Variants in CACNA1S observed in about 807,000 individuals in gnomAD.
CACNA1S encodes the protein voltage-dependent L-type calcium channel subunit alpha-1S.
Under a neutral mutation model 207.4 loss-of-function variants are expected in CACNA1S, and 126 were observed. The observed-to-expected ratio is 0.61, with a 90% CI of 0.53 to 0.70. The LOEUF is 0.70. CACNA1S is among the 30% of genes least tolerant of loss of function. CACNA1S has a pLI of 0.00. For synonymous variants in CACNA1S, 960 were observed against 932.7 expected (o/e 1.03, Z -0.53); for missense variants, 2,349 against 2,422.8 (o/e 0.97, Z 0.64).
chr1:201,063,088 G>T (rs529697945), intron 22 of CACNA1S, among the ~76,000 whole-genome samples: 178 of 151,700 alleles, frequency 1.2e-3, no homozygotes, highest in African/African-American at 4.1e-3. Flanking sequence ...AGGTAGGGGG[G>T]CTCTGTGCTC....
Position 201,039,571 on chromosome 1 carries a change from A to AT in CACNA1S, c.*259_*260insA. Reference sequence around the variant, plus strand: ...CTGCAGGTGGGAGTGGCCCTAGGCCAGACAGGCACTGACCAGGCCTTTTTG... The same window carrying AT: ...CTGCAGGTGGGAGTGGCCCTAGGCCATGACAGGCACTGACCAGGCCTTTTTG... On this transcript the variant is annotated 3_prime_UTR_variant, in exon 44 of 44. Transcript: ENST00000362061. 1 of 570,986 alleles carries AT rather than the reference A, an allele frequency of 1.8e-6. No homozygotes were observed. The highest frequency in any genetic ancestry group is 2.0e-5 in the South Asian group (1 of 49,576). 35.4% of individuals were successfully genotyped at this position (570,986 alleles called of 1,614,324 possible). A position where few individuals can be genotyped will look rare whatever the true frequency, so the allele number is the denominator to read the frequency against.
In CACNA1S at chr1:201,112,200, A is replaced by G. The variant is rs372497364; in HGVS notation, c.140T>C (p.Ile47Thr). The change falls in exon 1 of 44, where the codon ATT becomes ACT. Residue 47 changes from isoleucine (I) to threonine (T), a missense_variant. Physicochemically the swap from Ile to Thr is moderately conservative, Grantham distance 89. Coordinates refer to ENST00000362061, the MANE Select transcript of CACNA1S (RefSeq NM_000069.3). ...CCCTGAAGGATACTTCCATTCTACA[A>G]TGCTGATGCAGGCCTTCCTCAGGGG... The part of the protein sequence containing the change: ...ENPLRKACIS[I>T]VEWKPFETII... The G allele has an allele frequency of 3.1e-6, 5 of 1,613,060 alleles. No individual in the cohort carries two copies. In the African/African-American group the frequency reaches 4.0e-5, roughly 13 times the overall value.
chr1:201,105,983 G>A (rs1662866483), intron 2 of CACNA1S, among the ~76,000 whole-genome samples: 1 of 151,326 alleles, frequency 6.6e-6, no homozygotes, highest in Non-Finnish European at 1.5e-5. Context: ...GTCATAAAAT[G>A]CTTGGACCTG....
At chr1:201,062,353 C>A (rs1391985051) in intron 23 of CACNA1S, 109 bp downstream of exon 23, 4 of 1,168,896 alleles carry the variant, frequency 3.4e-6, no homozygotes, top group African/African-American at 1.5e-5. Context: ...CGTCCTGCCA[C>A]ACTCCCTGCC....
chr1:201,074,428 G>A (rs909686081), intron 14 of CACNA1S, 78 bp downstream of exon 14: 46 of 864,914 alleles, frequency 5.3e-5, no homozygotes, highest in Non-Finnish European at 8.3e-5. Context: ...TTGGGTTACA[G>A]GGAGGCCCTG....
At position 201,039,831 on chromosome 1, in the gene CACNA1S, T is replaced by C. The variant is rs1298607835; in HGVS notation, c.5622A>G (p.Ter1874TrpextTer13). Residue 1874 changes from the stop codon to tryptophan (W), a stop_lost, in exon 44 of 44, where the codon TGA becomes TGG. Coordinates refer to ENST00000362061, the MANE Select transcript of CACNA1S (RefSeq NM_000069.3). Reference protein sequence around the residue: ...SQETLIPPRL* With the variant: ...SQETLIPPRLW ...AGCCCATGCTGATGCTGTGTGGGCA[T>C]CACAGCCTTGGAGGAATAAGGGTCT... The C allele has an allele frequency of 6.2e-7, 1 of 1,603,464 alleles. No homozygotes were observed. Among genetic ancestry groups the C allele is most frequent in the Non-Finnish European group, 8.5e-7 (1 of 1,179,998 alleles).
intron 15 of CACNA1S, among the ~76,000 whole-genome samples, chr1:201,073,344 G>A (rs978179856): frequency 2.8e-5 from 2 of 72,302 alleles, no homozygotes; most frequent in African/African-American, 6.6e-5. Flanking sequence ...CCCAGATTGG[G>A]AGGTCTGCTG....
intron 2 of CACNA1S, among the ~76,000 whole-genome samples, chr1:201,105,889 T>A (rs781454996): frequency 6.6e-6 from 1 of 152,150 alleles, no homozygotes; most frequent in African/African-American, 2.4e-5. Context: ...ACACGGCAAC[T>A]GAGGGAAGCC....
rs762971514 is a variant in CACNA1S, at chr1:201,043,512, C to G, written c.4817G>C (p.Gly1606Ala). ...GIFRRTGGLF[G>A]QVDNFLERTN... ...CCTTTCCAGGAAGTTGTCCACCTGG[C>G]CAAACAGGCCTCCAGTCCTCTAGGG... is the stretch of plus-strand genomic sequence containing the variant. Residue 1606 changes from glycine (G) to alanine (A), a missense_variant, in exon 40 of 44, where the codon GGC (glycine) becomes GCC (alanine). Physicochemically the swap from Gly to Ala is moderately conservative, Grantham distance 60. Coordinates refer to ENST00000362061, the MANE Select transcript of CACNA1S (RefSeq NM_000069.3). 1 of 1,613,894 alleles carries G rather than the reference C, an allele frequency of 6.2e-7. No homozygotes were observed. The highest frequency in any genetic ancestry group is 1.3e-5 in the African/African-American group (1 of 74,938).
At chr1:201,110,750 A>G (rs1038901976) in intron 1 of CACNA1S, among the ~76,000 whole-genome samples, 1 of 152,244 alleles carries the variant, frequency 6.6e-6, no homozygotes, top group South Asian at 2.1e-4. Flanking sequence ...AGATGGAGAG[A>G]TGAATGCTGA....
intron 34 of CACNA1S, 31 bp downstream of exon 34, chr1:201,050,358 G>C: frequency 6.2e-7 from 1 of 1,613,090 alleles, no homozygotes; most frequent in South Asian, 1.1e-5. Context: ...AGGATGGAGG[G>C]CCCAGCACAG....
At chr1:201,070,469 G>A (rs963053683) in intron 16 of CACNA1S, 65 bp from the exon 17 acceptor site, 2 of 1,603,620 alleles carry the variant, frequency 1.2e-6, no homozygotes, top group Non-Finnish European at 1.7e-6. Context: ...TGGCTTCTGT[G>A]CTCAGAGCCC....
intron 31 of CACNA1S, 79 bp from the exon 32 acceptor site, chr1:201,052,727 C>T: frequency 8.4e-7 from 1 of 1,194,832 alleles, no homozygotes; most frequent in Non-Finnish European, 1.3e-6. Flanking sequence ...CCTTCTCCTG[C>T]CTGACCCCTA....
At chr1:201,089,978 C>G (rs1322477227) in intron 5 of CACNA1S, among the ~76,000 whole-genome samples, 1 of 152,226 alleles carries the variant, frequency 6.6e-6, no homozygotes, top group Non-Finnish European at 1.5e-5. Flanking sequence ...CCTGCACTCT[C>G]CTTTGTTCCC....
chr1:201,109,243 CAAAAA>C (rs56739161), intron 2 of CACNA1S, among the ~76,000 whole-genome samples: 3 of 118,544 alleles, frequency 2.5e-5, no homozygotes, highest in Non-Finnish European at 3.7e-5. Flanking sequence ...GACTCTGTCT[CAAAAA>C]AAAAAAAAAA....
intron 7 of CACNA1S, among the ~76,000 whole-genome samples, chr1:201,086,199 A>C (rs1009230051): frequency 3.5e-4 from 53 of 152,210 alleles, no homozygotes; most frequent in African/African-American, 1.3e-3. Context: ...GGGTTGGCCC[A>C]CAGGGCAGGT....
intron 10 of CACNA1S, among the ~76,000 whole-genome samples, chr1:201,081,650 A>T (rs763896943): frequency 6.6e-6 from 1 of 152,234 alleles, no homozygotes; most frequent in Non-Finnish European, 1.5e-5. Context: ...GTTTGGATAG[A>T]CAGCCCTGCC....
rs537065375 is a variant in CACNA1S, at chr1:201,074,276, T to G, written c.2063+230A>C. On this transcript the variant is annotated intron_variant, in intron 14 of 43. Transcript: ENST00000362061. ...CTGGCCAGGCTCTGAGGCTCTGGCA[T>G]TCTACATCCTGAGGCCTGTCTGTCC... Among the ~76,000 whole-genome samples the G allele has an allele frequency of 7.2e-5, 11 of 152,338 alleles. No homozygotes were observed. In the East Asian group the frequency reaches 2.1e-3, roughly 29 times the overall value.
intron 2 of CACNA1S, among the ~76,000 whole-genome samples, chr1:201,098,670 C>A (rs1029108857): frequency 6.6e-6 from 1 of 152,172 alleles, no homozygotes; most frequent in African/African-American, 2.4e-5. Context: ...CCAGGTGCAG[C>A]CTTGGGATCT....
Sources: allele counts gnomAD v4.1 joint callset (sites outside exome capture counted in the v4.1 genomes callset), GRCh38; gene constraint gnomAD v4.1.1; transcripts MANE v1.5; gene names NCBI Gene and HGNC (gene_info 2026-07-23, HGNC 2026-07-21).